The following EPHX1 variants were observed in gnomAD, a reference collection of about 807,000 sequenced individuals.
EPHX1 encodes the protein epoxide hydratase.
EPHX1 carries 40 observed loss-of-function variants against 43.2 expected under a neutral mutation model. The observed-to-expected ratio is 0.93, with a 90% confidence interval of 0.72 to 1.21. The LOEUF (loss-of-function observed/expected upper bound fraction) is 1.21, where lower values mean the gene tolerates loss of function less well. Among genes scored for constraint, EPHX1 ranks in the 50% most tolerant of loss-of-function variants. EPHX1 has a pLI of 0.00. For missense variants in EPHX1, 550 were observed against 570.4 expected (o/e 0.96, Z 0.36); for synonymous variants, 221 against 226.7 (o/e 0.98, Z 0.22).
At chr1:225,834,097 C>CAA (rs377164975) in intron 3 of EPHX1, among the ~76,000 whole-genome samples, 35 of 56,890 alleles carry the variant, frequency 6.2e-4, no homozygotes, top group Admixed American at 1.3e-3. Flanking sequence ...GACTCTGTCT[C>CAA]AAAAAAAAAA....
intron 2 of EPHX1, 24 bp from the exon 3 acceptor site, chr1:225,831,755 T>C: frequency 6.2e-7 from 1 of 1,612,924 alleles, no homozygotes; most frequent in Non-Finnish European, 8.5e-7. Context: ...CCCTCTCAAC[T>C]TGGGGTCCTG....
chr1:225,828,666 G>C (rs1667396874), intron 1 of EPHX1, 59 bp from the exon 2 acceptor site: 1 of 1,583,180 alleles, frequency 6.3e-7, no homozygotes, highest in African/African-American at 1.3e-5. Context: ...CAGAGTCTCT[G>C]GGCTGTCAGG....
intron 7 of EPHX1, among the ~76,000 whole-genome samples, chr1:225,844,008 G>C (rs1668667314): frequency 6.6e-6 from 1 of 152,110 alleles, no homozygotes; most frequent in Admixed American, 6.6e-5. Flanking sequence ...GGGGGCTGTG[G>C]AGTATGCATC....
chr1:225,833,813 AC>A (rs1667767934), intron 3 of EPHX1, among the ~76,000 whole-genome samples: 2 of 145,586 alleles, frequency 1.4e-5, no homozygotes, highest in African/African-American at 5.1e-5. Context: ...AAAAAAAAAA[AC>A]AGGCTGGGCG....
intron 7 of EPHX1, 70 bp from the exon 8 acceptor site, chr1:225,844,428 T>G: frequency 6.2e-7 from 1 of 1,613,226 alleles, no homozygotes; most frequent in Non-Finnish European, 8.5e-7. Flanking sequence ...TTTGTAGGAC[T>G]TTCTGGCTGC....
At chr1:225,829,894 T>G (rs1317767643) in intron 2 of EPHX1, among the ~76,000 whole-genome samples, 1 of 151,964 alleles carries the variant, frequency 6.6e-6, no homozygotes, top group Non-Finnish European at 1.5e-5. Flanking sequence ...GCCAACATCG[T>G]GAAACCCCGT....
intron 6 of EPHX1, among the ~76,000 whole-genome samples, chr1:225,840,434 G>A (rs1342966341): frequency 6.6e-6 from 1 of 152,194 alleles, no homozygotes; most frequent in Middle Eastern, 3.2e-3. Flanking sequence ...TTCCCAGGCA[G>A]TGAGGGAGGG....
At chr1:225,844,284 G>A (rs1668711388) in intron 7 of EPHX1, among the ~76,000 whole-genome samples, 5 of 151,600 alleles carry the variant, frequency 3.3e-5, no homozygotes. Context: ...GAGGACCTTG[G>A]GGTGATAAGA....
chr1:225,831,567 G>GA (rs1667601946), intron 2 of EPHX1, among the ~76,000 whole-genome samples: 2 of 149,388 alleles, frequency 1.3e-5, no homozygotes, highest in Non-Finnish European at 3.0e-5. Flanking sequence ...AAAGAAAAAA[G>GA]AAAAAAGAAA....
At chr1:225,821,980 G>A (rs1667002922) in intron 1 of EPHX1, among the ~76,000 whole-genome samples, 1 of 152,166 alleles carries the variant, frequency 6.6e-6, no homozygotes, top group African/African-American at 2.4e-5. Flanking sequence ...ATCATTTGTT[G>A]TTTTCTAACA....
chr1:225,822,656 G>T (rs1667026428), intron 1 of EPHX1, among the ~76,000 whole-genome samples: 1 of 152,210 alleles, frequency 6.6e-6, no homozygotes, highest in Non-Finnish European at 1.5e-5. Context: ...TCCTTGGAAA[G>T]GTGAAGGCTT....
chr1:225,817,394 C>T lies in EPHX1; in HGVS notation c.-6+7225C>T, dbSNP rs988854677. Among the ~76,000 whole-genome samples, 1 of 152,194 alleles carries T rather than the reference C, an allele frequency of 6.6e-6. No individual in the cohort carries two copies. The highest frequency in any genetic ancestry group is 1.5e-5 in the Non-Finnish European group (1 of 68,028). The stretch of plus-strand genomic sequence containing the variant: ...CGCTCCCAGGCTCCCATCCTGCGTC[C>T]GCTTGGCAGGCAGGCCAGGAATGGG... On this transcript the variant is annotated intron_variant, in intron 1 of 8. Coordinates refer to ENST00000272167, the MANE Select transcript of EPHX1 (RefSeq NM_001136018.4). This position sits in a 1 kb window ranked among gnomAD's most constrained non-coding sequence, Gnocchi z 5.7.
chr1:225,842,365 G>C lies in EPHX1; in HGVS notation c.932-1G>C. The C allele has an allele frequency of 1.2e-5, 20 of 1,608,934 alleles. No individual in the cohort carries two copies. The highest frequency in any genetic ancestry group is 1.7e-5 in the Non-Finnish European group (20 of 1,175,296). ...CTCCCTTGCTCCCCGCTCCCCGCCA[G>C]GCTCTGCTCTGAATGACTCTCCTGT... On this transcript the variant is annotated splice_acceptor_variant, in intron 6 of 8. Coordinates refer to ENST00000272167, the MANE Select transcript of EPHX1 (RefSeq NM_001136018.4). LOFTEE classifies it high-confidence loss of function.
At chr1:225,833,853 T>G (rs1667775533) in intron 3 of EPHX1, among the ~76,000 whole-genome samples, 2 of 148,278 alleles carry the variant, frequency 1.3e-5, no homozygotes, top group Non-Finnish European at 1.5e-5. Flanking sequence ...ATCCCAGCAC[T>G]TTGGGAGGTC....
intron 7 of EPHX1, among the ~76,000 whole-genome samples, chr1:225,843,997 T>TG (rs1329861649): frequency 6.6e-6 from 1 of 151,740 alleles, no homozygotes; most frequent in Non-Finnish European, 1.5e-5. Context: ...GAAGGTGGGG[T>TG]GGGGGCTGTG....
intron 1 of EPHX1, among the ~76,000 whole-genome samples, chr1:225,810,817 A>T (rs1398532587): frequency 6.6e-6 from 1 of 151,928 alleles, no homozygotes; most frequent in Admixed American, 6.6e-5. Context: ...AGGATGAGCC[A>T]GGAGAAGGAA....
At chr1:225,843,376 G>A (rs1668597134) in intron 7 of EPHX1, among the ~76,000 whole-genome samples, 1 of 152,212 alleles carries the variant, frequency 6.6e-6, no homozygotes, top group Non-Finnish European at 1.5e-5. Context: ...CTTGTCCAGA[G>A]GCTGAAGCAG....
intron 6 of EPHX1, chr1:225,840,890 A>C (rs527981777): frequency 1.3e-5 from 2 of 152,376 alleles, no homozygotes; most frequent in East Asian, 1.9e-4. Flanking sequence ...TCATAATCAT[A>C]ATAATGGCAC....
At chr1:225,832,488 T>A (rs568088903) in intron 3 of EPHX1, among the ~76,000 whole-genome samples, 59 of 152,358 alleles carry the variant, frequency 3.9e-4, no homozygotes, top group African/African-American at 1.4e-3. Flanking sequence ...TGAGCCAAGA[T>A]CGCGCCACTG....
Sources: allele counts gnomAD v4.1 joint callset (sites outside exome capture counted in the v4.1 genomes callset), GRCh38; gene constraint gnomAD v4.1.1; non-coding constraint Gnocchi (gnomAD v3.1); transcripts MANE v1.5; gene names NCBI Gene and HGNC (gene_info 2026-07-23, HGNC 2026-07-21).